The following MYRFL variants were observed in gnomAD, a reference collection of about 807,000 sequenced individuals.
MYRFL encodes the protein myelin regulatory factor like.
In MYRFL, 88 loss-of-function variants were observed where a neutral mutation model predicts 109.4. The ratio of observed to expected loss-of-function variants is 0.80; its 90% confidence interval spans 0.68 to 0.96. MYRFL has a LOEUF of 0.96. Among genes scored for constraint, MYRFL ranks in the 40% least tolerant of loss-of-function variants. The pLI is 0.00. For missense variants in MYRFL, 957 were observed against 954.9 expected, an observed-to-expected ratio of 1.00 and a Z score of -0.03; for synonymous variants, 324 against 320.9, an observed-to-expected ratio of 1.01 and a Z score of -0.10.
intron 1 of MYRFL, among the ~76,000 whole-genome samples, chr12:69,833,781 G>A (rs565176476): frequency 6.8e-6 from 1 of 147,074 alleles, no homozygotes; most frequent in South Asian, 2.2e-4. Context: ...CATCTATAGA[G>A]ATAGTTGTAG....
At chr12:69,845,123 C>T (rs1883453542) in intron 1 of MYRFL, among the ~76,000 whole-genome samples, 1 of 152,330 alleles carries the variant, frequency 6.6e-6, no homozygotes. Context: ...CCCTCCATCA[C>T]AGTCTGTTAT....
chr12:69,870,439 C>T (rs868766826), intron 2 of MYRFL, among the ~76,000 whole-genome samples: 18 of 152,158 alleles, frequency 1.2e-4, no homozygotes, highest in Middle Eastern at 3.4e-3. Context: ...TGTTTGTCTG[C>T]TTTATGGAAA....
At chr12:69,859,290 A>C (rs186993015) in intron 2 of MYRFL, among the ~76,000 whole-genome samples, 193 of 152,256 alleles carry the variant, frequency 1.3e-3, no homozygotes, top group Middle Eastern at 3.4e-3. Flanking sequence ...AATGTTACGT[A>C]TGCACTTGGA....
chr12:69,837,574 T>C (rs946912648), intron 1 of MYRFL, among the ~76,000 whole-genome samples: 9 of 152,162 alleles, frequency 5.9e-5, no homozygotes, highest in Admixed American at 2.0e-4. Context: ...TGTAAGGTGG[T>C]AAAACCCATC....
rs193134870 is a variant in MYRFL at position 69,898,630 on chromosome 12, C to A, written c.1182+1384C>A. Among the ~76,000 whole-genome samples, 221 of 152,346 alleles carry A rather than the reference C, an allele frequency of 1.5e-3. 1 individual carries two copies. Among genetic ancestry groups the A allele is most frequent in the Middle Eastern group, 3.4e-3 (1 of 294 alleles). On this transcript the variant is annotated intron_variant, in intron 10 of 24. Transcript: ENST00000552032. ...TGGAAACCCAGGTTGCATATTGTTTCTCTTAGGAAGGAATAGAGACAGATA... is the reference window on the plus strand; with the variant it reads ...TGGAAACCCAGGTTGCATATTGTTTATCTTAGGAAGGAATAGAGACAGATA...
At chr12:69,835,542 G>T (rs1330455601) in intron 1 of MYRFL, among the ~76,000 whole-genome samples, 1 of 152,186 alleles carries the variant, frequency 6.6e-6, no homozygotes, top group Non-Finnish European at 1.5e-5. Context: ...TGCAAAAGCA[G>T]ATTAGACATC....
At position 69,958,548 on chromosome 12, in the gene MYRFL, G is replaced by A. The variant is rs559816880; in HGVS notation, c.*17G>A. On this transcript the variant is annotated 3_prime_UTR_variant, in exon 25 of 25. Coordinates refer to ENST00000552032, the MANE Select transcript of MYRFL (RefSeq NM_182530.3). ...TGTGCCTAATTTGTTCAAGTTTGGG[G>A]ACTTTACCAAAGAAAAATACTCAGG... 12 of 1,504,684 alleles carry A rather than the reference G, an allele frequency of 8.0e-6. No individual in the cohort carries two copies. The highest frequency in any genetic ancestry group is 1.4e-5 in the African/African-American group (1 of 71,658). 93.2% of individuals were successfully genotyped at this position (1,504,684 alleles called of 1,614,324 possible).
At chr12:69,955,948 C>G (rs1173297476) in intron 22 of MYRFL, among the ~76,000 whole-genome samples, 1 of 151,864 alleles carries the variant, frequency 6.6e-6, no homozygotes. Flanking sequence ...CACTTATCTT[C>G]TTTGAGCTAC....
chr12:69,886,955 G>A lies in MYRFL; in HGVS notation c.692G>A (p.Ser231Asn). The A allele has an allele frequency of 1.3e-6, 2 of 1,535,820 alleles. No homozygotes were observed. The highest frequency in any genetic ancestry group is 1.7e-6 in the Non-Finnish European group (2 of 1,146,680). ...HSVPWHSLLNSHYEKLPDVGY... is the reference protein window; with the variant it reads ...HSVPWHSLLNNHYEKLPDVGY... ...GTTCCTTGGCACAGCTTATTAAACA[G>A]TCATTATGAAAAACTGTAAGTGGCT... The change falls in exon 6 of 25, where the codon AGT becomes AAT. Residue 231 changes from serine (S) to asparagine (N), a missense_variant. Physicochemically the swap from Ser to Asn is conservative, Grantham distance 46 (BLOSUM62 1). Transcript: ENST00000552032.
intron 15 of MYRFL, among the ~76,000 whole-genome samples, chr12:69,932,094 T>G (rs1041235483): frequency 6.6e-6 from 1 of 152,226 alleles, no homozygotes; most frequent in African/African-American, 2.4e-5. Context: ...CCCGAAATCA[T>G]TCCATTGGAA....
At position 69,879,062 on chromosome 12, in the gene MYRFL, G is replaced by A. The variant is rs376287660; in HGVS notation, c.172G>A (p.Ala58Thr). The change falls in exon 3 of 25, where the codon GCA (alanine) becomes ACA (threonine). Residue 58 changes from alanine to threonine, a missense_variant. Physicochemically the swap from Ala to Thr is moderately conservative, Grantham distance 58. Coordinates refer to ENST00000552032, the MANE Select transcript of MYRFL (RefSeq NM_182530.3). The part of the protein sequence containing the change: ...RQLPDTPPYS[A>T]SDSCSPPQVK... ...GCTCCCAGACACCCCGCCCTATTCT[G>A]CATCCGACTCATGCTCTCCTCCGCA... The A allele has an allele frequency of 2.6e-5, 18 of 702,968 alleles. No individual in the cohort carries two copies. The African/African-American group carries it at 2.6e-4, about 10-fold the overall frequency. The allele number at this position is 702,968 out of a possible 1,614,324, so 43.5% of individuals were successfully genotyped here.
At chr12:69,916,684 G>C (rs1401260557) in intron 13 of MYRFL, among the ~76,000 whole-genome samples, 3 of 152,068 alleles carry the variant, frequency 2.0e-5, no homozygotes, top group African/African-American at 4.8e-5. Flanking sequence ...GCTACAGACT[G>C]TTATAACCCC....
chr12:69,916,014 CTTG>C (rs200505025), intron 13 of MYRFL, among the ~76,000 whole-genome samples: 1,863 of 151,864 alleles, frequency 0.012, 21 homozygotes, highest in Non-Finnish European at 0.019. Flanking sequence ...TTGGACAATT[CTTG>C]TTGTTTTTTT....
chr12:69,952,025 A>G, intron 19 of MYRFL, 88 bp from the exon 20 acceptor site: 1 of 1,076,500 alleles, frequency 9.3e-7, no homozygotes, highest in South Asian at 1.4e-5. Context: ...GGAACACTCA[A>G]CTCACAGAGA....
intron 10 of MYRFL, among the ~76,000 whole-genome samples, chr12:69,899,821 G>A (rs1288661964): frequency 6.6e-6 from 1 of 152,146 alleles, no homozygotes; most frequent in South Asian, 2.1e-4. Context: ...AGCTTTAGAA[G>A]TATATTATGG....
At chr12:69,856,275 G>T (rs1306224991) in intron 2 of MYRFL, among the ~76,000 whole-genome samples, 1 of 152,062 alleles carries the variant, frequency 6.6e-6, no homozygotes. Context: ...ACCTTTAAGT[G>T]ATTATAACAG....
At chr12:69,914,335 A>G (rs1954666659) in intron 13 of MYRFL, among the ~76,000 whole-genome samples, 1 of 152,048 alleles carries the variant, frequency 6.6e-6, no homozygotes. Context: ...GCTTTTTTTC[A>G]TAAGCTTTCT....
In MYRFL at chr12:69,886,944, C is replaced by G. The variant is rs916499964; in HGVS notation, c.681C>G (p.Ser227Arg). 3 of 1,535,716 alleles carry G rather than the reference C, an allele frequency of 2.0e-6. No homozygotes were observed. The highest frequency in any genetic ancestry group is 2.6e-6 in the Non-Finnish European group (3 of 1,146,718). The change falls in exon 6 of 25, where the codon AGC becomes AGG. Residue 227 changes from serine to arginine, a missense_variant. Transcript: ENST00000552032. ...CATGCCATAGTGTTCCTTGGCACAG[C>G]TTATTAAACAGTCATTATGAAAAAC... is the stretch of plus-strand genomic sequence containing the variant. Reference protein sequence around the residue: ...WQPCHSVPWHSLLNSHYEKLP... With the variant: ...WQPCHSVPWHRLLNSHYEKLP...
Position 69,844,882 on chromosome 12 carries a change from A to G in MYRFL, c.47-10398A>G, listed in dbSNP as rs192643635. ...CTCCTTCTCTTCTCGTCCCCTTATA[A>G]TCTTCCCACAAGCAACCAGAATGAC... On this transcript the variant is annotated intron_variant, in intron 1 of 24. Transcript: ENST00000552032. 5.9e-5 allele frequency among the ~76,000 whole-genome samples: 9 copies of G among 152,160 alleles called. No homozygotes were observed. In the East Asian group the frequency reaches 1.2e-3, roughly 20 times the overall value.
Sources: allele counts gnomAD v4.1 joint callset (sites outside exome capture counted in the v4.1 genomes callset), GRCh38; gene constraint gnomAD v4.1.1; transcripts MANE v1.5; gene names NCBI Gene and HGNC (gene_info 2026-07-23, HGNC 2026-07-21).